ROBO1: variants seen among roughly 807,000 people sequenced by gnomAD.
ROBO1 encodes roundabout homolog 1.
In ROBO1, 149 loss-of-function variants were observed where a neutral mutation model predicts 195.9. That is an observed-to-expected ratio of 0.76 (90% confidence interval 0.67 to 0.87). ROBO1 has a LOEUF of 0.87. Among genes scored for constraint, ROBO1 ranks in the 40% least tolerant of loss-of-function variants. The pLI is 0.00. For synonymous variants in ROBO1, 816 were observed against 733.2 expected (o/e 1.11, Z -1.82); for missense variants, 1,933 against 2,068.3 (o/e 0.93, Z 1.27).
At chr3:79,351,813 G>A (rs1174775039) in intron 2 of ROBO1, among the ~76,000 whole-genome samples, 3 of 151,388 alleles carry the variant, frequency 2.0e-5, no homozygotes, top group African/African-American at 2.4e-5. Flanking sequence ...TCTTTTTAAA[G>A]AACCAACTTC....
At chr3:79,617,073 G>A (rs1373597576) in intron 1 of ROBO1, among the ~76,000 whole-genome samples, 1 of 152,152 alleles carries the variant, frequency 6.6e-6, no homozygotes, top group Admixed American at 6.5e-5. Flanking sequence ...CCTGGGATGA[G>A]GGTATGATAG....
intron 1 of ROBO1, among the ~76,000 whole-genome samples, chr3:79,759,711 C>T (rs1201402173): frequency 6.6e-6 from 1 of 152,194 alleles, no homozygotes; most frequent in Non-Finnish European, 1.5e-5. Flanking sequence ...TAATGCTTTT[C>T]ACTTTGGTTC....
chr3:79,085,423 G>C (rs901224314), intron 3 of ROBO1, among the ~76,000 whole-genome samples: 2 of 152,168 alleles, frequency 1.3e-5, no homozygotes, highest in South Asian at 2.1e-4. Flanking sequence ...TTTGGGCATA[G>C]TTAACTGTCA....
chr3:79,151,233 G>A (rs1049485247), intron 2 of ROBO1, among the ~76,000 whole-genome samples: 2 of 151,680 alleles, frequency 1.3e-5, no homozygotes, highest in African/African-American at 4.8e-5. Context: ...CCAGTCTCAG[G>A]TGTGTCTTTA....
intron 2 of ROBO1, among the ~76,000 whole-genome samples, chr3:79,268,880 T>G (rs1233914676): frequency 1.3e-5 from 2 of 151,754 alleles, no homozygotes; most frequent in Non-Finnish European, 1.5e-5. Flanking sequence ...TACAATGGTT[T>G]GGCCACAAAA....
At chr3:78,662,196 T>C in intron 14 of ROBO1, 82 bp from the exon 15 acceptor site, 3 of 1,355,238 alleles carry the variant, frequency 2.2e-6, no homozygotes, top group Non-Finnish European at 3.0e-6. Context: ...AAACTGTTCA[T>C]TCATAGCAAC....
chr3:79,747,799 A>C (rs1359966577), intron 1 of ROBO1, among the ~76,000 whole-genome samples: 7 of 152,082 alleles, frequency 4.6e-5, no homozygotes, highest in African/African-American at 1.4e-4. Flanking sequence ...TGTGTGTCAA[A>C]GCTGGAGGAA....
intron 3 of ROBO1, among the ~76,000 whole-genome samples, chr3:78,960,239 T>C (rs952438326): frequency 6.6e-6 from 1 of 151,890 alleles, no homozygotes. Context: ...AGAAATACAG[T>C]GCCCTTAAAA....
chr3:79,387,541 T>C (rs2106676040), intron 2 of ROBO1, among the ~76,000 whole-genome samples: 1 of 151,844 alleles, frequency 6.6e-6, no homozygotes, highest in Admixed American at 6.6e-5. Flanking sequence ...GCCATCATGG[T>C]TAGCAAGTCT....
At chr3:79,341,093 T>C (rs1411243593) in intron 2 of ROBO1, among the ~76,000 whole-genome samples, 1 of 152,200 alleles carries the variant, frequency 6.6e-6, no homozygotes, top group African/African-American at 2.4e-5. Context: ...TAAGTCCAAG[T>C]ATTGACGAGG....
In ROBO1 at chr3:79,213,821, T is replaced by C. The variant is rs1032996327; in HGVS notation, c.89-88282A>G. On this transcript the variant is annotated intron_variant, in intron 2 of 30. Coordinates refer to ENST00000464233, the MANE Select transcript of ROBO1 (RefSeq NM_002941.4). ...GAGAAATAACTCTCCCCTTTCTTTT[T>C]TTTTTTTTTTTTTTTTTTGTGAGAG... 2.6e-4 allele frequency among the ~76,000 whole-genome samples: 37 copies of C among 141,612 alleles called. No individual in the cohort carries two copies. In the East Asian group the frequency reaches 4.5e-3, roughly 17 times the overall value. The allele number at this position is 141,612 out of a possible 152,430, so 92.9% of individuals were successfully genotyped here.
At chr3:79,030,507 T>C (rs886226275) in intron 3 of ROBO1, among the ~76,000 whole-genome samples, 1 of 152,212 alleles carries the variant, frequency 6.6e-6, no homozygotes. Flanking sequence ...ATGTACCTTA[T>C]GATTTGGGTA....
chr3:79,514,298 T>C (rs975947165), intron 2 of ROBO1, among the ~76,000 whole-genome samples: 1 of 152,140 alleles, frequency 6.6e-6, no homozygotes, highest in South Asian at 2.1e-4. Context: ...GAGATCCACG[T>C]GGTGTGCGGG....
At chr3:78,681,720 C>T (rs372517995) in intron 10 of ROBO1, among the ~76,000 whole-genome samples, 2 of 151,970 alleles carry the variant, frequency 1.3e-5, no homozygotes, top group Non-Finnish European at 1.5e-5. Context: ...CTGGCTAACA[C>T]GGTGAAACCC....
intron 1 of ROBO1, among the ~76,000 whole-genome samples, chr3:79,617,080 A>G (rs1944848364): frequency 6.6e-6 from 1 of 152,164 alleles, no homozygotes; most frequent in Admixed American, 6.5e-5. Context: ...TGAGGGTATG[A>G]TAGGGAAATG....
intron 11 of ROBO1, among the ~76,000 whole-genome samples, chr3:78,668,823 A>G (rs560949376): frequency 1.3e-5 from 2 of 152,336 alleles, no homozygotes; most frequent in Admixed American, 1.3e-4. Context: ...TATTATCATC[A>G]GTCTCAGGGA....
At chr3:79,094,601 G>T (rs2079533921) in intron 3 of ROBO1, among the ~76,000 whole-genome samples, 1 of 152,118 alleles carries the variant, frequency 6.6e-6, no homozygotes, top group Admixed American at 6.6e-5. Flanking sequence ...TCAAGGATAA[G>T]TAGTCAGGTT....
chr3:79,179,263 C>T (rs1404767319), intron 2 of ROBO1, among the ~76,000 whole-genome samples: 2 of 152,148 alleles, frequency 1.3e-5, no homozygotes, highest in African/African-American at 2.4e-5. Context: ...GTCTACTGCA[C>T]ATGAGAAGCT....
At chr3:79,709,203 T>C (rs1230822778) in intron 1 of ROBO1, among the ~76,000 whole-genome samples, 1 of 152,188 alleles carries the variant, frequency 6.6e-6, no homozygotes, top group Non-Finnish European at 1.5e-5. Context: ...CCTGTCAATA[T>C]GTATCCTACA....
Sources: allele counts gnomAD v4.1 joint callset (sites outside exome capture counted in the v4.1 genomes callset), GRCh38; gene constraint gnomAD v4.1.1; transcripts MANE v1.5; gene names NCBI Gene and HGNC (gene_info 2026-07-23, HGNC 2026-07-21).